The following GRID2 variants were observed in gnomAD, a reference collection of about 807,000 sequenced individuals.
GRID2 encodes glutamate ionotropic receptor delta type subunit 2.
GRID2 carries 33 observed loss-of-function variants against 114.8 expected under a neutral mutation model. The ratio of observed to expected loss-of-function variants is 0.29; its 90% CI spans 0.22 to 0.38. The LOEUF (loss-of-function observed/expected upper bound fraction) is 0.38, where lower values mean the gene tolerates loss of function less well. Ranked by LOEUF, GRID2 falls within the 10% of genes least tolerant of loss-of-function variation. The pLI, the probability that GRID2 is intolerant of heterozygous loss-of-function variation, is 1.00. For synonymous variants in GRID2, 505 were observed against 449.9 expected (o/e 1.12, Z -1.55); for missense variants, 1,184 against 1,257.7 (o/e 0.94, Z 0.89).
intron 2 of GRID2, among the ~76,000 whole-genome samples, chr4:92,824,817 T>C (rs557029181): frequency 6.6e-6 from 1 of 152,214 alleles, no homozygotes; most frequent in South Asian, 2.1e-4. Flanking sequence ...TTAGATATTG[T>C]TTTTTAGGAA....
intron 2 of GRID2, among the ~76,000 whole-genome samples, chr4:92,863,270 C>T (rs536940264): frequency 6.6e-6 from 1 of 152,144 alleles, no homozygotes; most frequent in East Asian, 1.9e-4. Flanking sequence ...TTTTAAACTC[C>T]ATCCTCTTAA....
At chr4:93,006,273 C>T (rs1279771884) in intron 2 of GRID2, among the ~76,000 whole-genome samples, 1 of 151,934 alleles carries the variant, frequency 6.6e-6, no homozygotes, top group African/African-American at 2.4e-5. Flanking sequence ...CTCTGGAGCC[C>T]ACACTGAATT....
intron 8 of GRID2, among the ~76,000 whole-genome samples, chr4:93,353,822 A>G (rs1468424043): frequency 1.3e-5 from 2 of 152,000 alleles, no homozygotes; most frequent in Non-Finnish European, 2.9e-5. Context: ...AGTAGGCACT[A>G]TTTTACTCCA....
At chr4:93,230,421 A>G (rs1051912435) in intron 7 of GRID2, among the ~76,000 whole-genome samples, 1 of 152,168 alleles carries the variant, frequency 6.6e-6, no homozygotes, top group African/African-American at 2.4e-5. Flanking sequence ...ACTCTTAAAC[A>G]TACCAGGAGC....
At chr4:92,441,172 A>G (rs1394238117) in intron 1 of GRID2, among the ~76,000 whole-genome samples, 6 of 152,100 alleles carry the variant, frequency 3.9e-5, no homozygotes, top group Non-Finnish European at 8.8e-5. Context: ...CTAGGAAGGA[A>G]AGGAGTTGTT....
chr4:92,992,099 T>C (rs1044118075), intron 2 of GRID2, among the ~76,000 whole-genome samples: 6 of 152,122 alleles, frequency 3.9e-5, no homozygotes, highest in Non-Finnish European at 8.8e-5. Flanking sequence ...TTGCATCAGG[T>C]AGAAGAAGGC....
chr4:92,631,302 A>T (rs1182844235), intron 2 of GRID2, among the ~76,000 whole-genome samples: 2 of 152,128 alleles, frequency 1.3e-5, no homozygotes, highest in African/African-American at 4.8e-5. Flanking sequence ...AGAATGTGAC[A>T]TAAAGCAAAG....
intron 13 of GRID2, among the ~76,000 whole-genome samples, chr4:93,617,980 C>T (rs1054823588): frequency 1.3e-5 from 2 of 150,516 alleles, no homozygotes; most frequent in Middle Eastern, 3.4e-3. Flanking sequence ...TTTGATACTA[C>T]CCCCCCTAAC....
At chr4:92,348,665 A>G (rs1049522877) in intron 1 of GRID2, among the ~76,000 whole-genome samples, 5 of 152,182 alleles carry the variant, frequency 3.3e-5, no homozygotes, top group African/African-American at 9.6e-5. Flanking sequence ...TTCATAATGC[A>G]TTGCAAAGGA....
At chr4:92,943,817 G>A (rs895853558) in intron 2 of GRID2, among the ~76,000 whole-genome samples, 1 of 152,204 alleles carries the variant, frequency 6.6e-6, no homozygotes, top group African/African-American at 2.4e-5. Context: ...CTCAGCTGCA[G>A]GTCTGTTGGA....
intron 2 of GRID2, among the ~76,000 whole-genome samples, chr4:93,040,087 A>T (rs537017323): frequency 1.3e-5 from 2 of 152,128 alleles, no homozygotes; most frequent in Admixed American, 6.6e-5. Flanking sequence ...GATTTAGTTC[A>T]TTGGACTGAT....
chr4:92,843,772 T>C (rs1743089640), intron 2 of GRID2, among the ~76,000 whole-genome samples: 2 of 152,160 alleles, frequency 1.3e-5, no homozygotes, highest in African/African-American at 4.8e-5. Context: ...AAATATCTTC[T>C]TTGATACTAT....
Position 92,789,572 on chromosome 4 carries a change from C to A in GRID2, c.244+199286C>A, listed in dbSNP as rs532511229. Among the ~76,000 whole-genome samples, 3 of 151,930 alleles carry A rather than the reference C, an allele frequency of 2.0e-5. No individual in the cohort carries two copies. In the South Asian group the frequency reaches 6.2e-4, roughly 32 times the overall value. ...CGGATCTATTGTACTGTTTACAGTA[C>A]AATATCCATTAACATTTCTGTGTTT... On this transcript the variant is annotated intron_variant, in intron 2 of 15. Transcript: ENST00000282020.
chr4:93,468,304 A>G (rs1217971076), intron 11 of GRID2, among the ~76,000 whole-genome samples: 4 of 152,106 alleles, frequency 2.6e-5, no homozygotes, highest in Admixed American at 6.5e-5. Context: ...AAAAACACAC[A>G]TATATTCATG....
At chr4:93,763,644 A>G (rs917493406) in intron 14 of GRID2, among the ~76,000 whole-genome samples, 3 of 152,148 alleles carry the variant, frequency 2.0e-5, no homozygotes, top group Non-Finnish European at 4.4e-5. Context: ...CAATTCAACT[A>G]TTTATTATCT....
rs189959745 is a variant in GRID2 at position 92,354,355 on chromosome 4, G to T, written c.88+49611G>T. ...AATTTGGTTTTGATAGTTTCTGCTG[G>T]TTTTTTTATGTTTCTGTGGGGTACA... On this transcript the variant is annotated intron_variant, in intron 1 of 15. Coordinates refer to ENST00000282020, the MANE Select transcript of GRID2 (RefSeq NM_001510.4). Among the ~76,000 whole-genome samples the T allele has an allele frequency of 2.0e-3, 301 of 151,968 alleles. 2 individuals carry two copies. The highest frequency in any genetic ancestry group is 6.9e-3 in the Admixed American group (105 of 15,224).
At chr4:93,429,368 A>G (rs900957479) in intron 10 of GRID2, among the ~76,000 whole-genome samples, 2 of 152,226 alleles carry the variant, frequency 1.3e-5, no homozygotes, top group Non-Finnish European at 2.9e-5. Flanking sequence ...AATTTTCTAA[A>G]TGATTGCAAA....
intron 1 of GRID2, among the ~76,000 whole-genome samples, chr4:92,336,881 C>T (rs1055078508): frequency 4.0e-5 from 6 of 150,954 alleles, no homozygotes; most frequent in Admixed American, 1.3e-4. Context: ...TCATGCCCCA[C>T]GATTCTAATC....
intron 8 of GRID2, among the ~76,000 whole-genome samples, chr4:93,346,668 T>C (rs1760267774): frequency 1.3e-5 from 2 of 152,154 alleles, no homozygotes; most frequent in Admixed American, 1.3e-4. Context: ...TAAAATATCT[T>C]TCCTGGCTCA....
Sources: allele counts gnomAD v4.1 joint callset (sites outside exome capture counted in the v4.1 genomes callset), GRCh38; gene constraint gnomAD v4.1.1; transcripts MANE v1.5; gene names NCBI Gene and HGNC (gene_info 2026-07-23, HGNC 2026-07-21).